The following MASP2 variants were observed in gnomAD, a reference collection of about 807,000 sequenced individuals.
MASP2 encodes mannan-binding lectin serine protease 2.
A neutral mutation model predicts 57.1 loss-of-function variants in MASP2; 49 were observed. The ratio of observed to expected loss-of-function variants is 0.86; its 90% CI spans 0.68 to 1.09. The LOEUF (loss-of-function observed/expected upper bound fraction) is 1.09, where lower values mean the gene tolerates loss of function less well. Among genes scored for constraint, MASP2 ranks in the 50% least tolerant of loss-of-function variants. MASP2 has a pLI of 0.00. For synonymous variants in MASP2, 379 were observed against 340.8 expected, an observed-to-expected ratio of 1.11 and a Z score of -1.24; for missense variants, 900 against 874.8, an observed-to-expected ratio of 1.03 and a Z score of -0.36.
intron 8 of MASP2, among the ~76,000 whole-genome samples, chr1:11,031,790 G>A (rs566703287): frequency 6.6e-6 from 1 of 151,910 alleles, no homozygotes. Flanking sequence ...GCTTGGTGGC[G>A]TGGTCTCAGC....
rs1305804022 is a variant in MASP2 at position 11,028,719 on chromosome 1, T to G, written c.1298-1071A>C. Among the ~76,000 whole-genome samples the G allele has an allele frequency of 2.9e-3, 389 of 134,084 alleles. 1 individual carries two copies. The highest frequency in any genetic ancestry group is 8.5e-3 in the South Asian group (39 of 4,590). The allele number at this position is 134,084 out of a possible 152,430, so 88.0% of individuals were successfully genotyped here. A position where few individuals can be genotyped will look rare whatever the true frequency, so the allele number is the denominator to read the frequency against. Reference sequence around the variant, plus strand: ...TGGGTTTTTTTTCTTTTTTTTTTTTTTTTTTTTTTTTTGAGACAGAGTCTC... The same window carrying G: ...TGGGTTTTTTTTCTTTTTTTTTTTTGTTTTTTTTTTTTGAGACAGAGTCTC... On this transcript the variant is annotated intron_variant, in intron 10 of 10. Coordinates refer to ENST00000400897, the MANE Select transcript of MASP2 (RefSeq NM_006610.4).
In MASP2 at chr1:11,026,675, G is replaced by A. The variant is rs777027162; in HGVS notation, c.*210C>T. On this transcript the variant is annotated 3_prime_UTR_variant, in exon 11 of 11. Coordinates refer to ENST00000400897, the MANE Select transcript of MASP2 (RefSeq NM_006610.4). Reference sequence around the variant, plus strand: ...GTGGGCAAAGATGACTGTCACTCTCGTGGTTTATGTCCCCTTGAGTCAATG... The same window carrying A: ...GTGGGCAAAGATGACTGTCACTCTCATGGTTTATGTCCCCTTGAGTCAATG... 4.4e-5 allele frequency: 17 copies of A among 388,948 alleles called. No individual in the cohort carries two copies. Among genetic ancestry groups the A allele is most frequent in the South Asian group, 3.7e-4 (3 of 8,050 alleles). The allele number at this position is 388,948 out of a possible 1,614,324, so 24.1% of individuals were successfully genotyped here.
intron 10 of MASP2, among the ~76,000 whole-genome samples, chr1:11,028,697 G>GTTTGTTT (rs1643781737): frequency 2.8e-5 from 1 of 36,178 alleles, no homozygotes; most frequent in African/African-American, 1.3e-4. Flanking sequence ...ATCTTTCTGG[G>GTTTGTTT]TTTTTTTTCT....
rs772456268 is a variant in MASP2, at chr1:11,027,321, A to G, written c.1625T>C (p.Val542Ala). The G allele has an allele frequency of 5.0e-6, 8 of 1,614,014 alleles. No homozygotes were observed. Among genetic ancestry groups the G allele is most frequent in the Non-Finnish European group, 6.8e-6 (8 of 1,179,946 alleles). Residue 542 changes from valine (V) to alanine (A), a missense_variant, in exon 11 of 11, where the codon GTT (valine) becomes GCT (alanine). Physicochemically the swap from Val to Ala is moderately conservative, Grantham distance 64 (BLOSUM62 0). Transcript: ENST00000400897. ...DIALIKLNNK[V>A]VINSNITPIC... The stretch of plus-strand genomic sequence containing the variant: ...AGGCGTGATGTTGCTATTGATTACA[A>G]CTTTGTTATTCAATTTAATCAGTGC...
At chr1:11,032,386 TG>T (rs2100879402) in intron 8 of MASP2, among the ~76,000 whole-genome samples, 1 of 151,728 alleles carries the variant, frequency 6.6e-6, no homozygotes, top group South Asian at 2.1e-4. Flanking sequence ...CCAAGGTGGG[TG>T]GATCACTTGA....
At chr1:11,034,333 G>A (rs548133266) in intron 8 of MASP2, among the ~76,000 whole-genome samples, 2 of 149,152 alleles carry the variant, frequency 1.3e-5, no homozygotes, top group Admixed American at 6.8e-5. Context: ...TAACCTCTAA[G>A]AATGCACTGA....
chr1:11,045,045 CA>C, intron 4 of MASP2: 1 of 1,269,212 alleles, frequency 7.9e-7, no homozygotes, highest in Non-Finnish European at 1.1e-6. Flanking sequence ...TGGGGCTGCC[CA>C]CGCCCCAGAG....
intron 6 of MASP2, among the ~76,000 whole-genome samples, chr1:11,039,494 G>A (rs1204413797): frequency 6.6e-6 from 1 of 151,282 alleles, no homozygotes; most frequent in Non-Finnish European, 1.5e-5. Flanking sequence ...TGAATGGCTG[G>A]AAGGATGGAT....
chr1:11,033,955 ACACACACACACTCT>A (rs113931897), intron 8 of MASP2, among the ~76,000 whole-genome samples: 9,783 of 69,070 alleles, frequency 0.14, 902 homozygotes, highest in African/African-American at 0.38. Context: ...ACACACACAC[ACACACACACACTCT>A]CTCTCTCTCT....
intron 6 of MASP2, among the ~76,000 whole-genome samples, chr1:11,041,438 T>TGATG: frequency 1.9e-5 from 1 of 51,796 alleles, no homozygotes; most frequent in Admixed American, 1.8e-4. Flanking sequence ...ATGGATGGAT[T>TGATG]GGTAGGTAGA....
chr1:11,039,780 G>A (rs1246197722), intron 6 of MASP2, among the ~76,000 whole-genome samples: 3 of 149,180 alleles, frequency 2.0e-5, no homozygotes, highest in African/African-American at 7.4e-5. Context: ...AGAAGGTCGG[G>A]TGGATGGTTG....
Position 11,030,233 on chromosome 1 carries a change from C to G in MASP2, c.1240G>C (p.Ala414Pro). Residue 414 changes from alanine to proline, a missense_variant, in exon 10 of 11, where the codon GCT becomes CCT. Ala to Pro is a conservative substitution (Grantham distance 27, BLOSUM62 -1). Coordinates refer to ENST00000400897, the MANE Select transcript of MASP2 (RefSeq NM_006610.4). ...TTGGAGCTCGTCCAGAATCCATCAGCCTCACACACATATTTACCTGCAAAT... is the reference window on the plus strand; with the variant it reads ...TTGGAGCTCGTCCAGAATCCATCAGGCTCACACACATATTTACCTGCAAAT... ...KVNDGKYVCE[A>P]DGFWTSSKGE... is the part of the protein sequence containing the mutation. 2 of 1,613,504 alleles carry G rather than the reference C, an allele frequency of 1.2e-6. No homozygotes were observed. Among genetic ancestry groups the G allele is most frequent in the Non-Finnish European group, 1.7e-6 (2 of 1,179,794 alleles).
intron 8 of MASP2, among the ~76,000 whole-genome samples, chr1:11,034,496 G>A (rs1643874166): frequency 2.0e-5 from 3 of 150,246 alleles, no homozygotes; most frequent in Non-Finnish European, 3.0e-5. Flanking sequence ...TCAGGAGTTC[G>A]AGACCAGCCT....
intron 9 of MASP2, chr1:11,030,463 T>C (rs1447419458): frequency 1.2e-5 from 7 of 582,782 alleles, no homozygotes; most frequent in Admixed American, 1.0e-4. Flanking sequence ...AACTTGAATA[T>C]GTATCAAGAT....
chr1:11,027,720 C>T lies in MASP2; in HGVS notation c.1298-72G>A, dbSNP rs1297998457. 6 of 1,484,666 alleles carry T rather than the reference C, an allele frequency of 4.0e-6. No homozygotes were observed. In the African/African-American group the frequency reaches 8.5e-5, roughly 21 times the overall value. The allele number at this position is 1,484,666 out of a possible 1,614,324, so 92.0% of individuals were successfully genotyped here. A position where few individuals can be genotyped will look rare whatever the true frequency, so the allele number is the denominator to read the frequency against. Reference sequence around the variant, plus strand: ...TCGTGTTTTTCTTAAATTATGACCGCCTTGAAGTATATATTTGATGTCAAC... The same window carrying T: ...TCGTGTTTTTCTTAAATTATGACCGTCTTGAAGTATATATTTGATGTCAAC... On this transcript the variant is annotated intron_variant, in intron 10 of 10. Coordinates refer to ENST00000400897, the MANE Select transcript of MASP2 (RefSeq NM_006610.4).
Position 11,046,621 on chromosome 1 carries a change from G to C in MASP2, c.347C>G (p.Thr116Ser), listed in dbSNP as rs1638647368. 1 of 1,613,660 alleles carries C rather than the reference G, an allele frequency of 6.2e-7. No homozygotes were observed. The highest frequency in any genetic ancestry group is 1.1e-5 in the South Asian group (1 of 91,082). Residue 116 changes from threonine (T) to serine (S), a missense_variant, in exon 3 of 11, where the codon ACC becomes AGC. Transcript: ENST00000400897. ...CTCGTTGGAGTAGTCGGAGCGGAAG[G>C]TAATGTCCAGGCTGGAGCCCAGCGA... ...FYSLGSSLDI[T>S]FRSDYSNEKP...
At chr1:11,044,778 C>G in intron 4 of MASP2, 11 of 1,406,604 alleles carry the variant, frequency 7.8e-6, no homozygotes, top group African/African-American at 1.5e-5. Context: ...CCTCCCACCC[C>G]AGAGACACGT....
At chr1:11,044,917 G>T in intron 4 of MASP2, 1 of 1,603,546 alleles carries the variant, frequency 6.2e-7, no homozygotes, top group South Asian at 1.1e-5. Flanking sequence ...GACCTGCTGG[G>T]CAGGCCGGAG....
chr1:11,029,170 T>C (rs1375627328), intron 10 of MASP2, among the ~76,000 whole-genome samples: 1 of 18,192 alleles, frequency 5.5e-5, no homozygotes, highest in Admixed American at 1.1e-3. Flanking sequence ...TTTTTTGTAT[T>C]TTTTTTTTTT....
Sources: gnomAD v4.1 joint callset for allele counts (sites outside exome capture counted in the v4.1 genomes callset) on GRCh38, gnomAD v4.1.1 for gene constraint, MANE v1.5 for transcripts, NCBI Gene and HGNC (gene_info 2026-07-23, HGNC 2026-07-21) for gene names.